The following CGN variants were observed in gnomAD, a reference collection of about 807,000 sequenced individuals.
CGN encodes the protein cingulin.
In CGN, 121 loss-of-function variants were observed where a neutral mutation model predicts 157.1. That is an observed-to-expected ratio of 0.77 (90% confidence interval 0.66 to 0.90). The LOEUF (loss-of-function observed/expected upper bound fraction) is 0.90, where lower values mean the gene tolerates loss of function less well. Ranked by LOEUF, CGN falls within the 40% of genes least tolerant of loss-of-function variation. CGN has a pLI of 0.00. For synonymous variants in CGN, 535 were observed against 607.5 expected, an observed-to-expected ratio of 0.88 and a Z score of 1.76; for missense variants, 1,424 against 1,520.9, an observed-to-expected ratio of 0.94 and a Z score of 1.06.
chr1:151,536,914 C>T (rs1386381607), intron 20 of CGN, 21 bp downstream of exon 20: 1 of 1,611,816 alleles, frequency 6.2e-7, no homozygotes, highest in Admixed American at 1.7e-5. Flanking sequence ...CCCTTTTGCC[C>T]TTGCTCCATA....
chr1:151,536,253 C>T lies in CGN; in HGVS notation c.3214C>T (p.Gln1072Ter). The T allele has an allele frequency of 6.2e-7, 1 of 1,603,782 alleles. No homozygotes were observed. The highest frequency in any genetic ancestry group is 1.3e-5 in the African/African-American group (1 of 74,882). Residue 1072 changes from glutamine to a stop codon, truncating the protein, a stop_gained, in exon 19 of 21, where the codon CAG (glutamine) becomes TAG (stop). Coordinates refer to ENST00000271636, the MANE Select transcript of CGN (RefSeq NM_020770.3). LOFTEE classifies it high-confidence loss of function. ...TCACCTTAGGGAGAAGACAGTTCTGCAGTCTACCAATCGAAAACTGGAGCG... is the reference window on the plus strand; with the variant it reads ...TCACCTTAGGGAGAAGACAGTTCTGTAGTCTACCAATCGAAAACTGGAGCG... ...QAEEREKTVLQSTNRKLERKV... is the reference protein window; with the variant it reads ...QAEEREKTVL
chr1:151,523,702 G>C, intron 6 of CGN, 141 bp downstream of exon 6: 3 of 772,752 alleles, frequency 3.9e-6, no homozygotes, highest in Non-Finnish European at 6.0e-6. Flanking sequence ...TTTAAGGACA[G>C]GATAGGGCCT....
At chr1:151,525,582 T>A (rs1324364913) in intron 8 of CGN, 60 bp from the exon 9 acceptor site, 1 of 1,411,050 alleles carries the variant, frequency 7.1e-7, no homozygotes, top group Non-Finnish European at 9.4e-7. Context: ...CACTCACACT[T>A]TGATTTGAAG....
Position 151,529,300 on chromosome 1 carries a change from T to C in CGN, c.1897-50T>C, listed in dbSNP as rs758114139. The C allele has an allele frequency of 5.4e-6, 8 of 1,478,124 alleles. No individual in the cohort carries two copies. In the African/African-American group the frequency reaches 9.8e-5, roughly 18 times the overall value. The allele number at this position is 1,478,124 out of a possible 1,614,324, so 91.6% of individuals were successfully genotyped here. ...GAGTTTCAGCTTCTCCACATTCAGG[T>C]ATCTTAGTCTGGCTCTGGGTGCCCC... On this transcript the variant is annotated intron_variant, in intron 10 of 20. Transcript: ENST00000271636.
rs1664927734 is a variant in CGN, at chr1:151,535,072, G to A, written c.2935G>A (p.Asp979Asn). The A allele has an allele frequency of 6.2e-7, 1 of 1,614,036 alleles. No individual in the cohort carries two copies. The highest frequency in any genetic ancestry group is 8.5e-7 in the Non-Finnish European group (1 of 1,180,022). The change falls in exon 16 of 21, where the codon GAT becomes AAT. Residue 979 changes from aspartate (D) to asparagine (N), a missense_variant. By Grantham distance (23) the Asp-to-Asn change is conservative. Transcript: ENST00000271636. ...AGTCTCACGGCTGGAAACAGAGTTA[G>A]ATGAGGAGAAGAACACCGTGGAGCT... ...EKVSRLETEL[D>N]EEKNTVELLT...
chr1:151,514,353 T>G lies in CGN; in HGVS notation c.-15+2838T>G, dbSNP rs184073838. Among the ~76,000 whole-genome samples, 87 of 152,330 alleles carry G rather than the reference T, an allele frequency of 5.7e-4. 1 individual carries two copies. The East Asian group carries it at 0.012, about 21-fold the overall frequency. On this transcript the variant is annotated intron_variant, in intron 1 of 20. Transcript: ENST00000271636. ...CAGTAGATGTACTGACAGGGTAGAC[T>G]GCATCATGAATAAATCATATGGCTT...
At position 151,518,596 on chromosome 1, in the gene CGN, C is replaced by T. The variant is rs1571656020; in HGVS notation, c.77C>T (p.Pro26Leu). 1.2e-6 allele frequency: 2 copies of T among 1,614,116 alleles called. No individual in the cohort carries two copies. The highest frequency in any genetic ancestry group is 8.5e-7 in the Non-Finnish European group (1 of 1,180,000). ...HGVQIRFITEPVSGAEMGTLR... is the reference protein window; with the variant it reads ...HGVQIRFITELVSGAEMGTLR... ...GTCCAGATTCGCTTCATCACAGAGC[C>T]AGTGAGTGGTGCAGAGATGGGCACT... The change falls in exon 2 of 21, where the codon CCA (proline) becomes CTA (leucine). Residue 26 changes from proline (P) to leucine (L), a missense_variant. By Grantham distance (98) the Pro-to-Leu change is moderately conservative (BLOSUM62 -3). Around this residue, in one of 3 missense-constraint regions of CGN, gnomAD observed 1,187 missense variants for 1,217.6 expected, o/e 0.97. Coordinates refer to ENST00000271636, the MANE Select transcript of CGN (RefSeq NM_020770.3).
rs777815801 is a variant in CGN, at chr1:151,529,338, G to A, written c.1897-12G>A. On this transcript the variant is annotated splice_polypyrimidine_tract_variant and intron_variant, in intron 10 of 20. Coordinates refer to ENST00000271636, the MANE Select transcript of CGN (RefSeq NM_020770.3). Reference sequence around the variant, plus strand: ...CTCTGGGTGCCCCATCACCATTCCCGTTTCCTTCCAGGAGCTGCTCCGGAC... The same window carrying A: ...CTCTGGGTGCCCCATCACCATTCCCATTTCCTTCCAGGAGCTGCTCCGGAC... 2.9e-5 allele frequency: 47 copies of A among 1,611,426 alleles called. No individual in the cohort carries two copies. Among genetic ancestry groups the A allele is most frequent in the African/African-American group, 6.7e-5 (5 of 74,820 alleles).
At chr1:151,528,574 G>A (rs962660731) in intron 10 of CGN, among the ~76,000 whole-genome samples, 1 of 151,746 alleles carries the variant, frequency 6.6e-6, no homozygotes, top group Non-Finnish European at 1.5e-5. Flanking sequence ...ACACCACCAC[G>A]CCCGGCTAAT....
At chr1:151,532,610 C>T in intron 14 of CGN, 38 bp downstream of exon 14, 2 of 1,066,694 alleles carry the variant, frequency 1.9e-6, no homozygotes, top group South Asian at 2.3e-5. Context: ...AGGTCCTTGC[C>T]TCTTTTTTTT....
In CGN at chr1:151,538,627, T is replaced by C. The variant is rs999263440; in HGVS notation, c.*1281T>C. ...ATTCTTCTGCAAATCAAACGTTCTT[T>C]CCCAATCCAATCCAGCCTTGGTTTT... On this transcript the variant is annotated 3_prime_UTR_variant, in exon 21 of 21. Coordinates refer to ENST00000271636, the MANE Select transcript of CGN (RefSeq NM_020770.3). The C allele has an allele frequency of 1.3e-5, 2 of 152,234 alleles. No homozygotes were observed. The highest frequency in any genetic ancestry group is 4.8e-5 in the African/African-American group (2 of 41,458). 9.4% of individuals were successfully genotyped at this position (152,234 alleles called of 1,614,324 possible). A position where few individuals can be genotyped will look rare whatever the true frequency, so the allele number is the denominator to read the frequency against.
Position 151,533,964 on chromosome 1 carries a change from C to T in CGN, c.2743-11C>T, listed in dbSNP as rs753712521. 3.4e-5 allele frequency: 55 copies of T among 1,602,076 alleles called. No homozygotes were observed. The highest frequency in any genetic ancestry group is 4.5e-5 in the Non-Finnish European group (53 of 1,176,368). ...CTACACTGAGCTGTGGCATTTTTAC[C>T]CCCTGCCCAGATCCAGAGGCTGCGG... On this transcript the variant is annotated splice_polypyrimidine_tract_variant and intron_variant, in intron 14 of 20. Coordinates refer to ENST00000271636, the MANE Select transcript of CGN (RefSeq NM_020770.3).
At chr1:151,522,502 GTAAT>G (rs1482360509) in intron 5 of CGN, among the ~76,000 whole-genome samples, 1 of 151,894 alleles carries the variant, frequency 6.6e-6, no homozygotes, top group Non-Finnish European at 1.5e-5. Context: ...GCAGGCATCT[GTAAT>G]CCCTGCTGCT....
At position 151,535,074 on chromosome 1, in the gene CGN, TGAG is replaced by T; in HGVS notation, c.2941_2943del (p.Glu981del). 1 of 1,614,110 alleles carries T rather than the reference TGAG, an allele frequency of 6.2e-7. No homozygotes were observed. The highest frequency in any genetic ancestry group is 8.5e-7 in the Non-Finnish European group (1 of 1,180,006). On this transcript the variant is annotated inframe_deletion, in exon 16 of 21. Transcript: ENST00000271636. ...TCTCACGGCTGGAAACAGAGTTAGA[TGAG>T]GAGAAGAACACCGTGGAGCTGCTAA... is the stretch of plus-strand genomic sequence containing the variant.
intron 18 of CGN, 128 bp from the exon 19 acceptor site, chr1:151,536,109 G>T (rs190125840): frequency 4.0e-6 from 3 of 749,536 alleles, no homozygotes; most frequent in African/African-American, 3.5e-5. Flanking sequence ...CTTTGAATCT[G>T]CCCTGGATCC....
chr1:151,520,300 C>T (rs1326032718), intron 3 of CGN, 34 bp downstream of exon 3: 6 of 1,565,894 alleles, frequency 3.8e-6, no homozygotes, highest in Non-Finnish European at 5.3e-6. Flanking sequence ...CAGAGGCATA[C>T]CCCTCCTTCT....
chr1:151,524,478 T>C lies in CGN; in HGVS notation c.1401+120T>C. On this transcript the variant is annotated intron_variant, in intron 7 of 20. Coordinates refer to ENST00000271636, the MANE Select transcript of CGN (RefSeq NM_020770.3). This position sits in a 1 kb window ranked among gnomAD's most constrained non-coding sequence, Gnocchi z 4.4. ...TGGGTGGCTGATTACAGGTACTCAG[T>C]GTGCTTTCAGGTAGATTCAATGGTG... The C allele has an allele frequency of 6.9e-7, 1 of 1,449,344 alleles. No homozygotes were observed. The highest frequency in any genetic ancestry group is 9.4e-7 in the Non-Finnish European group (1 of 1,061,914). The allele number at this position is 1,449,344 out of a possible 1,614,324, so 89.8% of individuals were successfully genotyped here. A position where few individuals can be genotyped will look rare whatever the true frequency, so the allele number is the denominator to read the frequency against.
intron 20 of CGN, 128 bp downstream of exon 20, chr1:151,537,021 G>A (rs531709367): frequency 9.0e-6 from 11 of 1,223,656 alleles, no homozygotes; most frequent in Middle Eastern, 2.8e-4. Flanking sequence ...CTGGTTGGAA[G>A]CCAGTATATT....
At position 151,530,430 on chromosome 1, in the gene CGN, A is replaced by G. The variant is rs1488215326; in HGVS notation, c.2314-59A>G. 11 of 1,502,434 alleles carry G rather than the reference A, an allele frequency of 7.3e-6. No homozygotes were observed. In the South Asian group the frequency reaches 1.5e-4, roughly 20 times the overall value. 93.1% of individuals were successfully genotyped at this position (1,502,434 alleles called of 1,614,324 possible). A position where few individuals can be genotyped will look rare whatever the true frequency, so the allele number is the denominator to read the frequency against. On this transcript the variant is annotated intron_variant, in intron 12 of 20. Transcript: ENST00000271636. ...TCTCCTGCCCAGCTACCCACCTCCA[A>G]ATGACTTGAACCCAAGTTTTACCTT... is the stretch of plus-strand genomic sequence containing the variant.
Sources: allele counts gnomAD v4.1 joint callset (sites outside exome capture counted in the v4.1 genomes callset), GRCh38; gene constraint gnomAD v4.1.1; regional missense constraint gnomAD v4.1.1; non-coding constraint Gnocchi (gnomAD v3.1); transcripts MANE v1.5; gene names NCBI Gene and HGNC (gene_info 2026-07-23, HGNC 2026-07-21).